Variants in GHITM observed in about 807,000 individuals in gnomAD.
The protein encoded by GHITM is growth hormone-inducible transmembrane protein.
In GHITM, 24 loss-of-function variants were observed where a neutral mutation model predicts 38.7. The ratio of observed to expected loss-of-function variants is 0.62; its 90% CI spans 0.45 to 0.87. GHITM has a LOEUF of 0.87. Ranked by LOEUF, GHITM falls within the 40% of genes least tolerant of loss-of-function variation. GHITM has a pLI of 0.00. For synonymous variants in GHITM, 154 were observed against 147.8 expected, an observed-to-expected ratio of 1.04 and a Z score of -0.30; for missense variants, 420 against 429.8, an observed-to-expected ratio of 0.98 and a Z score of 0.20.
intron 2 of GHITM, among the ~76,000 whole-genome samples, chr10:84,141,841 G>A (rs1007204056): frequency 4.6e-5 from 7 of 151,980 alleles, no homozygotes; most frequent in South Asian, 2.1e-4. Context: ...CTCTGTCTTC[G>A]CTTACAGCTT....
rs1841629001 is a variant in GHITM at position 84,153,311 on chromosome 10, G to A, written c.*963G>A. On this transcript the variant is annotated 3_prime_UTR_variant, in exon 9 of 9. Transcript: ENST00000372134. ...GCTTACACTGGAAATTATGAAAGCA[G>A]TTTTTCTCCTAAGACTTTTGGTTTC... is the stretch of plus-strand genomic sequence containing the variant. The A allele has an allele frequency of 6.6e-6, 1 of 152,180 alleles. No individual in the cohort carries two copies. Among genetic ancestry groups the A allele is most frequent in the African/African-American group, 2.4e-5 (1 of 41,442 alleles). The allele number at this position is 152,180 out of a possible 1,614,324, so 9.4% of individuals were successfully genotyped here.
At chr10:84,141,981 T>A (rs993248085) in intron 2 of GHITM, among the ~76,000 whole-genome samples, 2 of 152,216 alleles carry the variant, frequency 1.3e-5, no homozygotes, top group African/African-American at 4.8e-5. Context: ...GCCAATAGCT[T>A]ATTAATAAAT....
At chr10:84,148,917 C>T in intron 6 of GHITM, 79 bp downstream of exon 6, 1 of 803,198 alleles carries the variant, frequency 1.2e-6, no homozygotes, top group Non-Finnish European at 2.2e-6. Context: ...TGTAAATGAC[C>T]TACATGGAAT....
Position 84,142,771 on chromosome 10 carries a change from AG to A in GHITM, c.229+18del. 1 of 1,348,978 alleles carries A rather than the reference AG, an allele frequency of 7.4e-7. No homozygotes were observed. Among genetic ancestry groups the A allele is most frequent in the East Asian group, 2.3e-5 (1 of 43,462 alleles). 83.6% of individuals were successfully genotyped at this position (1,348,978 alleles called of 1,614,324 possible). On this transcript the variant is annotated intron_variant, in intron 3 of 8. Transcript: ENST00000372134. ...TATTTAAAAGTAGGTGGCTATCTTT[AG>A]TTTTTAACCTAGAATCTATGGATAT...
At chr10:84,141,261 C>T (rs537225841) in intron 1 of GHITM, among the ~76,000 whole-genome samples, 131 of 152,318 alleles carry the variant, frequency 8.6e-4, no homozygotes, top group African/African-American at 3.0e-3. Context: ...CAGCTGTGTT[C>T]TCTGGGATGG....
chr10:84,148,698 A>T (rs777567139), intron 5 of GHITM, 32 bp from the exon 6 acceptor site: 6 of 1,317,622 alleles, frequency 4.6e-6, no homozygotes, highest in Non-Finnish European at 6.6e-6. Context: ...TCATATAAAG[A>T]TCAGTTTTTC....
intron 7 of GHITM, 131 bp from the exon 8 acceptor site, chr10:84,150,578 T>C: frequency 1.5e-6 from 1 of 668,320 alleles, no homozygotes; most frequent in South Asian, 2.0e-5. Context: ...GATTAGACAG[T>C]ACATGTACCC....
intron 6 of GHITM, among the ~76,000 whole-genome samples, 167 bp downstream of exon 6, chr10:84,149,005 G>A (rs1023315429): frequency 6.6e-6 from 1 of 152,174 alleles, no homozygotes; most frequent in Non-Finnish European, 1.5e-5. Flanking sequence ...GCTTTGAAAA[G>A]TTGATTTTGC....
chr10:84,151,876 C>T (rs1841615479), intron 8 of GHITM, among the ~76,000 whole-genome samples: 1 of 152,010 alleles, frequency 6.6e-6, no homozygotes, highest in Non-Finnish European at 1.5e-5. Flanking sequence ...TAGAAGTTTT[C>T]TTTAGAGGGG....
At chr10:84,141,760 T>A in intron 2 of GHITM, 131 bp downstream of exon 2, 1 of 783,888 alleles carries the variant, frequency 1.3e-6, no homozygotes, top group East Asian at 2.5e-5. Flanking sequence ...CAATCAGCTC[T>A]TTCTCCCCAT....
At chr10:84,140,227 A>G (rs1186982226) in intron 1 of GHITM, 1 of 152,272 alleles carries the variant, frequency 6.6e-6, no homozygotes, top group Admixed American at 6.5e-5. Context: ...CAGGACAGCC[A>G]TAGGTTGAGA....
At position 84,153,274 on chromosome 10, in the gene GHITM, A is replaced by G. The variant is rs1192081299; in HGVS notation, c.*926A>G. On this transcript the variant is annotated 3_prime_UTR_variant, in exon 9 of 9. Transcript: ENST00000372134. ...TCAAGCTTTCAAGCCTTTATAGAAA[A>G]GCTTCTTTGTGGCTTACACTGGAAA... 6.6e-6 allele frequency: 1 copy of G among 152,156 alleles called. No individual in the cohort carries two copies. The highest frequency in any genetic ancestry group is 1.5e-5 in the Non-Finnish European group (1 of 68,024). 9.4% of individuals were successfully genotyped at this position (152,156 alleles called of 1,614,324 possible). A position where few individuals can be genotyped will look rare whatever the true frequency, so the allele number is the denominator to read the frequency against.
chr10:84,151,707 G>C (rs1841613907), intron 8 of GHITM, among the ~76,000 whole-genome samples: 1 of 151,808 alleles, frequency 6.6e-6, no homozygotes, highest in Admixed American at 6.6e-5. Context: ...TTTTTTCTTG[G>C]AGTCGACCAA....
rs749290012 is a variant in GHITM at position 84,150,706 on chromosome 10, C to T, written c.782-3C>T. 6.4e-7 allele frequency: 1 copy of T among 1,567,740 alleles called. No homozygotes were observed. Among genetic ancestry groups the T allele is most frequent in the Non-Finnish European group, 8.7e-7 (1 of 1,155,900 alleles). On this transcript the variant is annotated splice_polypyrimidine_tract_variant and splice_region_variant and intron_variant, in intron 7 of 8. Coordinates refer to ENST00000372134, the MANE Select transcript of GHITM (RefSeq NM_014394.3). ...AAATCTTGTTTTCGCATTTTGATTT[C>T]AGGATCTATGTTTCTTCCACCTACC...
chr10:84,144,086 T>G lies in GHITM; in HGVS notation c.321T>G (p.Ile107Met), dbSNP rs1396674317. 6.2e-7 allele frequency: 1 copy of G among 1,610,362 alleles called. No homozygotes were observed. Among genetic ancestry groups the G allele is most frequent in the Non-Finnish European group, 8.5e-7 (1 of 1,176,656 alleles). Residue 107 changes from isoleucine to methionine, a missense_variant, in exon 4 of 9, where the codon ATT (isoleucine) becomes ATG (methionine). Transcript: ENST00000372134. ...CYYGLGLSNEIGAIEKAVIWP... is the reference protein window; with the variant it reads ...CYYGLGLSNEMGAIEKAVIWP... ...ATGGCTTGGGACTGTCTAATGAGAT[T>G]GGAGCTATTGAAAAGGCTGTGTAAG...
intron 8 of GHITM, 64 bp downstream of exon 8, chr10:84,150,944 C>A: frequency 8.2e-7 from 1 of 1,225,698 alleles, no homozygotes; most frequent in Non-Finnish European, 1.2e-6. Flanking sequence ...GTGTATTTGA[C>A]CTGTTTTGGT....
At chr10:84,143,696 A>G (rs551704900) in intron 3 of GHITM, among the ~76,000 whole-genome samples, 15 of 152,318 alleles carry the variant, frequency 9.8e-5, no homozygotes, top group African/African-American at 3.6e-4. Flanking sequence ...TTAGTAAAAT[A>G]ATAGGTATCA....
chr10:84,146,996 A>G (rs1409539735), intron 5 of GHITM, among the ~76,000 whole-genome samples: 1 of 152,152 alleles, frequency 6.6e-6, no homozygotes, highest in Non-Finnish European at 1.5e-5. Context: ...TTGAGATGAG[A>G]CAGTACCAGA....
chr10:84,141,564 A>G lies in GHITM; in HGVS notation c.64A>G (p.Thr22Ala). The change falls in exon 2 of 9, where the codon ACC (threonine) becomes GCC (alanine). Residue 22 changes from threonine to alanine, a missense_variant. Transcript: ENST00000372134. ...LPSRVFHPAF[T>A]KASPVVKNSI... ...TTCTAGGGTTTTCCACCCAGCTTTC[A>G]CCAAGGCCTCCCCTGTTGTGAAGAA... 2 of 1,613,610 alleles carry G rather than the reference A, an allele frequency of 1.2e-6. No homozygotes were observed. The highest frequency in any genetic ancestry group is 1.7e-6 in the Non-Finnish European group (2 of 1,179,560).
Sources: gnomAD v4.1 joint callset for allele counts (sites outside exome capture counted in the v4.1 genomes callset) on GRCh38, gnomAD v4.1.1 for gene constraint, MANE v1.5 for transcripts, NCBI Gene and HGNC (gene_info 2026-07-23, HGNC 2026-07-21) for gene names.